The following TANGO6 variants were observed in gnomAD, a reference collection of about 807,000 sequenced individuals.
TANGO6 encodes the protein transport and Golgi organization protein 6 homolog.
TANGO6 carries 90 observed loss-of-function variants against 114.2 expected under a neutral mutation model. The observed-to-expected ratio is 0.79, with a 90% CI of 0.66 to 0.94. The LOEUF (loss-of-function observed/expected upper bound fraction) is 0.94, where lower values mean the gene tolerates loss of function less well. Among genes scored for constraint, TANGO6 ranks in the 40% least tolerant of loss-of-function variants. The pLI is 0.00. For missense variants in TANGO6, 1,274 were observed against 1,315.3 expected, an observed-to-expected ratio of 0.97 and a Z score of 0.49; for synonymous variants, 477 against 509.8, an observed-to-expected ratio of 0.94 and a Z score of 0.87.
chr16:68,881,556 A>G (rs567920789), intron 7 of TANGO6, among the ~76,000 whole-genome samples: 3 of 152,160 alleles, frequency 2.0e-5, no homozygotes, highest in Non-Finnish European at 4.4e-5. Context: ...GGCTTTTTCA[A>G]TACTATAGTC....
chr16:69,069,294 T>C lies in TANGO6; in HGVS notation c.3109-14191T>C, dbSNP rs1960263327. Among the ~76,000 whole-genome samples the C allele has an allele frequency of 2.6e-5, 4 of 152,186 alleles. No homozygotes were observed. The South Asian group carries it at 8.3e-4, about 32-fold the overall frequency. On this transcript the variant is annotated intron_variant, in intron 17 of 17. Transcript: ENST00000261778. ...ACTTAGCCTAGTCTCCTGCACACAA[T>C]GTGGGAAATTTTGCTGAGTTGTTCT...
At chr16:68,907,387 A>T in intron 9 of TANGO6, 56 bp from the exon 10 acceptor site, 16 of 1,498,654 alleles carry the variant, frequency 1.1e-5, no homozygotes, top group Non-Finnish European at 1.4e-5. Flanking sequence ...TATGGGGTTT[A>T]AAATTATGTG....
At chr16:68,863,270 T>C (rs1044229809) in intron 3 of TANGO6, 2 of 369,058 alleles carry the variant, frequency 5.4e-6, no homozygotes, top group Non-Finnish European at 9.7e-6. Flanking sequence ...AATGAAATGA[T>C]GGACACTTTT....
chr16:68,867,010 A>G, intron 3 of TANGO6, 69 bp from the exon 4 acceptor site: 3 of 524,504 alleles, frequency 5.7e-6, no homozygotes, highest in Non-Finnish European at 9.0e-6. Flanking sequence ...TACAGGCATG[A>G]GCCACTACGC....
rs542567116 is a variant in TANGO6, at chr16:68,854,408, G to A, written c.95-5476G>A. ...TGCAGTGAGCTGGAATCAGGCCACT[G>A]CACTCCAGCCTGGGTGACAGAGCAA... On this transcript the variant is annotated intron_variant, in intron 1 of 17. Coordinates refer to ENST00000261778, the MANE Select transcript of TANGO6 (RefSeq NM_024562.2). Among the ~76,000 whole-genome samples, 32 of 152,216 alleles carry A rather than the reference G, an allele frequency of 2.1e-4. No homozygotes were observed. The South Asian group carries it at 6.6e-3, about 32-fold the overall frequency.
chr16:68,909,119 A>T, intron 10 of TANGO6, 92 bp from the exon 11 acceptor site: 1 of 1,054,064 alleles, frequency 9.5e-7, no homozygotes, highest in Non-Finnish European at 1.2e-6. Context: ...TTATTTAAAC[A>T]TGCAGTTCAA....
At chr16:69,041,996 T>TA (rs1208672014) in intron 17 of TANGO6, among the ~76,000 whole-genome samples, 1 of 152,210 alleles carries the variant, frequency 6.6e-6, no homozygotes, top group East Asian at 1.9e-4. Flanking sequence ...AGGACAGCCC[T>TA]AGGTGCTTTT....
chr16:68,933,245 T>A (rs930813476), intron 14 of TANGO6, among the ~76,000 whole-genome samples: 7 of 152,310 alleles, frequency 4.6e-5, no homozygotes, highest in African/African-American at 1.7e-4. Flanking sequence ...TGAAACCCTG[T>A]CCCTGCTAAA....
At chr16:68,920,539 A>G (rs2152191490) in intron 12 of TANGO6, among the ~76,000 whole-genome samples, 1 of 152,318 alleles carries the variant, frequency 6.6e-6, no homozygotes, top group Middle Eastern at 3.4e-3. Flanking sequence ...TCTGCAGGAA[A>G]GCAGAATAGG....
intron 14 of TANGO6, among the ~76,000 whole-genome samples, chr16:68,933,652 C>T (rs1464320598): frequency 1.3e-5 from 2 of 152,124 alleles, no homozygotes; most frequent in African/African-American, 2.4e-5. Flanking sequence ...CATGAAGTGT[C>T]AAAGAGAAAC....
chr16:68,953,053 A>T lies in TANGO6; in HGVS notation c.2702-20975A>T, dbSNP rs200678528. ...TTCATTCACTCAACAGGTATTTTTT[A>T]TTATTATTATTATTATTATTATTAT... is the stretch of plus-strand genomic sequence containing the variant. On this transcript the variant is annotated intron_variant, in intron 14 of 17. Coordinates refer to ENST00000261778, the MANE Select transcript of TANGO6 (RefSeq NM_024562.2). 8.0e-3 allele frequency among the ~76,000 whole-genome samples: 400 copies of T among 50,248 alleles called. 3 individuals carry two copies. The highest frequency in any genetic ancestry group is 0.012 in the Non-Finnish European group (235 of 19,952). The allele number at this position is 50,248 out of a possible 152,430, so 33.0% of individuals were successfully genotyped here. A position where few individuals can be genotyped will look rare whatever the true frequency, so the allele number is the denominator to read the frequency against.
chr16:68,916,801 A>G (rs912221389), intron 11 of TANGO6, among the ~76,000 whole-genome samples: 4 of 152,042 alleles, frequency 2.6e-5, no homozygotes, highest in Admixed American at 6.6e-5. Context: ...AACAGAAGAG[A>G]CAGAGATTTC....
intron 15 of TANGO6, among the ~76,000 whole-genome samples, chr16:69,009,331 T>C (rs1202305053): frequency 1.3e-5 from 2 of 152,094 alleles, no homozygotes; most frequent in African/African-American, 4.8e-5. Context: ...TCCACCCACT[T>C]CGGCCTCCCA....
intron 17 of TANGO6, among the ~76,000 whole-genome samples, chr16:69,043,298 G>A (rs1009573017): frequency 2.9e-4 from 43 of 147,692 alleles, no homozygotes; most frequent in African/African-American, 1.1e-3. Flanking sequence ...GTGTGTGTGT[G>A]TGTGTGTGTG....
chr16:68,902,453 T>G lies in TANGO6; in HGVS notation c.1616T>G (p.Phe539Cys). The G allele has an allele frequency of 6.2e-7, 1 of 1,613,400 alleles. No homozygotes were observed. ...AVPSLHSLCQ[F>C]RVATQGGIMI... ...CCCTCTCTCCATTCTCTGTGTCAGTTTAGAGTTGCCACTCAAGGTGGCATT... is the reference window on the plus strand; with the variant it reads ...CCCTCTCTCCATTCTCTGTGTCAGTGTAGAGTTGCCACTCAAGGTGGCATT... The change falls in exon 9 of 18, where the codon TTT becomes TGT. Residue 539 changes from phenylalanine to cysteine, a missense_variant. Physicochemically the swap from Phe to Cys is radical, Grantham distance 205. Around this residue, in one of 5 missense-constraint regions of TANGO6, gnomAD observed 908 missense variants for 910.2 expected, o/e 1.00. Transcript: ENST00000261778.
intron 5 of TANGO6, among the ~76,000 whole-genome samples, chr16:68,876,808 G>A (rs1046211686): frequency 1.7e-4 from 26 of 152,084 alleles, no homozygotes; most frequent in Admixed American, 2.0e-4. Context: ...GTGACAGAGC[G>A]AGACTCCATC....
intron 15 of TANGO6, among the ~76,000 whole-genome samples, chr16:69,017,722 C>T (rs1014568779): frequency 1.3e-5 from 2 of 152,190 alleles, no homozygotes; most frequent in African/African-American, 2.4e-5. Flanking sequence ...TCCAGGGAAG[C>T]GAAGTGAATT....
intron 15 of TANGO6, among the ~76,000 whole-genome samples, chr16:68,981,888 A>G (rs891827135): frequency 6.6e-6 from 1 of 152,218 alleles, no homozygotes; most frequent in Non-Finnish European, 1.5e-5. Flanking sequence ...TCCAAACTCT[A>G]AAAAAATTCA....
chr16:69,055,992 T>G (rs2152238621), intron 17 of TANGO6, among the ~76,000 whole-genome samples: 1 of 151,534 alleles, frequency 6.6e-6, no homozygotes, highest in African/African-American at 2.4e-5. Flanking sequence ...TGAGCCGAGA[T>G]CATGCCATTG....
Sources: gnomAD v4.1 joint callset for allele counts (sites outside exome capture counted in the v4.1 genomes callset) on GRCh38, gnomAD v4.1.1 for gene constraint, gnomAD v4.1.1 regional missense constraint, MANE v1.5 for transcripts, NCBI Gene and HGNC (gene_info 2026-07-23, HGNC 2026-07-21) for gene names.